RFTN1: variants seen among roughly 807,000 people sequenced by gnomAD.
RFTN1 encodes raftlin.
Under a neutral mutation model 46.5 loss-of-function variants are expected in RFTN1, and 26 were observed. The observed-to-expected ratio is 0.56, with a 90% confidence interval of 0.41 to 0.78. RFTN1 has a LOEUF of 0.78. Ranked by LOEUF, RFTN1 falls within the 30% of genes least tolerant of loss-of-function variation. RFTN1 has a pLI of 0.00. For missense variants in RFTN1, 693 were observed against 718.7 expected (o/e 0.96, Z 0.41); for synonymous variants, 261 against 284.2 (o/e 0.92, Z 0.82).
At chr3:16,363,255 T>C (rs1008485179) in intron 6 of RFTN1, among the ~76,000 whole-genome samples, 19 of 151,812 alleles carry the variant, frequency 1.3e-4, no homozygotes, top group African/African-American at 4.1e-4. Context: ...TCAGCCTCAC[T>C]ATAATGTGCA....
At chr3:16,390,861 T>A (rs1015360903) in intron 4 of RFTN1, among the ~76,000 whole-genome samples, 1 of 152,218 alleles carries the variant, frequency 6.6e-6, no homozygotes, top group African/African-American at 2.4e-5. Flanking sequence ...CGATGAATAG[T>A]TCATCAAAAA....
chr3:16,399,038 G>A (rs73041502), intron 4 of RFTN1, among the ~76,000 whole-genome samples: 5,703 of 152,116 alleles, frequency 0.037, 140 homozygotes, highest in Middle Eastern at 0.082. Context: ...CATTTTTTAG[G>A]GATCCCAAGT....
rs1162007415 is a variant in RFTN1, at chr3:16,498,579, G to C, written c.-8-4702C>G. Among the ~76,000 whole-genome samples the C allele has an allele frequency of 6.6e-6, 1 of 152,154 alleles. No homozygotes were observed. Among genetic ancestry groups the C allele is most frequent in the Non-Finnish European group, 1.5e-5 (1 of 68,024 alleles). On this transcript the variant is annotated intron_variant, in intron 1 of 9. Coordinates refer to ENST00000334133, the MANE Select transcript of RFTN1 (RefSeq NM_015150.2). The surrounding 1 kb of genome is among the most constrained non-coding windows in gnomAD (Gnocchi z 5.2). ...CAAATTTTAGAGACTGATTTCTCTG[G>C]AGTGCGTGCAACCCTGGCTAAGCAA...
rs2072135134 is a variant in RFTN1, at chr3:16,351,981, TTA to T, written c.1146+5949_1146+5950del. Reference sequence around the variant, plus strand: ...GTAGCCAGCACACTTTGGGTGTGGTTTATATGAGAAAGATGAGGCAGAACTCT... The same window carrying T: ...GTAGCCAGCACACTTTGGGTGTGGTTTATGAGAAAGATGAGGCAGAACTCT... On this transcript the variant is annotated intron_variant, in intron 7 of 9. Coordinates refer to ENST00000334133, the MANE Select transcript of RFTN1 (RefSeq NM_015150.2). The surrounding 1 kb of genome is among the most constrained non-coding windows in gnomAD (Gnocchi z 5.4). Among the ~76,000 whole-genome samples, 1 of 152,206 alleles carries T rather than the reference TTA, an allele frequency of 6.6e-6. No homozygotes were observed. Among genetic ancestry groups the T allele is most frequent in the Non-Finnish European group, 1.5e-5 (1 of 68,036 alleles).
rs2074961864 is a variant in RFTN1 at position 16,410,459 on chromosome 3, C to G, written c.333-976G>C. Among the ~76,000 whole-genome samples, 1 of 152,078 alleles carries G rather than the reference C, an allele frequency of 6.6e-6. No homozygotes were observed. Among genetic ancestry groups the G allele is most frequent in the East Asian group, 1.9e-4 (1 of 5,178 alleles). The stretch of plus-strand genomic sequence containing the variant: ...TCAAAAGTGAATTTAGCCATAATCC[C>G]TAATTGTTTTCATTTTTAAATGAAA... On this transcript the variant is annotated intron_variant, in intron 3 of 9. Coordinates refer to ENST00000334133, the MANE Select transcript of RFTN1 (RefSeq NM_015150.2). The surrounding 1 kb of genome is among the most constrained non-coding windows in gnomAD (Gnocchi z 4.6).
rs142203348 is a variant in RFTN1 at position 16,330,680 on chromosome 3, A to G, written c.1147-3804T>C. 5.3e-3 allele frequency among the ~76,000 whole-genome samples: 801 copies of G among 152,386 alleles called. 6 individuals carry two copies. Among genetic ancestry groups the G allele is most frequent in the Non-Finnish European group, 9.8e-3 (665 of 68,040 alleles). On this transcript the variant is annotated intron_variant, in intron 7 of 9. Transcript: ENST00000334133. ...CATGTCCTGTGGTTTTTCAACTCGT[A>G]TAAAAGGAATTCATTTGTATTTATG... is the stretch of plus-strand genomic sequence containing the variant.
In RFTN1 at chr3:16,512,436, T is replaced by G. The variant is rs2076918210; in HGVS notation, c.-9+1006A>C. On this transcript the variant is annotated intron_variant, in intron 1 of 9. Transcript: ENST00000334133. The surrounding 1 kb of genome is among the most constrained non-coding windows in gnomAD (Gnocchi z 4.3). ...CCAGACTTTTTTTTTAAAAAAGTAC[T>G]TCTTGTTTGTTTGTTTTAAGCCCCC... Among the ~76,000 whole-genome samples the G allele has an allele frequency of 8.3e-6, 1 of 120,014 alleles. No homozygotes were observed. The highest frequency in any genetic ancestry group is 1.8e-5 in the Non-Finnish European group (1 of 57,028). 78.7% of individuals were successfully genotyped at this position (120,014 alleles called of 152,430 possible). A position where few individuals can be genotyped will look rare whatever the true frequency, so the allele number is the denominator to read the frequency against.
chr3:16,397,994 C>G (rs1224334113), intron 4 of RFTN1, among the ~76,000 whole-genome samples: 2 of 152,084 alleles, frequency 1.3e-5, no homozygotes, highest in Non-Finnish European at 2.9e-5. Flanking sequence ...CGCCTATAAT[C>G]CCAGCACTTT....
intron 1 of RFTN1, 131 bp from the exon 2 acceptor site, chr3:16,494,008 G>T: frequency 2.0e-6 from 2 of 1,008,610 alleles, no homozygotes; most frequent in Non-Finnish European, 2.9e-6. Context: ...GAAACTGAGA[G>T]TATAATTTAA....
Position 16,481,638 on chromosome 3 carries a change from C to T in RFTN1, c.145+12087G>A, listed in dbSNP as rs929696648. ...GAAATTAAATAAATAGACACACACA[C>T]ACTCTCCATAAAAACTCTGCTACAC... On this transcript the variant is annotated intron_variant, in intron 2 of 9. Coordinates refer to ENST00000334133, the MANE Select transcript of RFTN1 (RefSeq NM_015150.2). The surrounding 1 kb of genome is among the most constrained non-coding windows in gnomAD (Gnocchi z 5.1). Among the ~76,000 whole-genome samples the T allele has an allele frequency of 1.3e-5, 2 of 152,194 alleles. No homozygotes were observed. Among genetic ancestry groups the T allele is most frequent in the African/African-American group, 4.8e-5 (2 of 41,450 alleles).
chr3:16,477,470 A>AT (rs1559366946), intron 2 of RFTN1, among the ~76,000 whole-genome samples: 1 of 152,236 alleles, frequency 6.6e-6, no homozygotes, highest in African/African-American at 2.4e-5. Context: ...TTTGATGCTT[A>AT]TTTTTAGAGA....
chr3:16,411,086 A>C (rs558082172), intron 3 of RFTN1, among the ~76,000 whole-genome samples: 1 of 152,280 alleles, frequency 6.6e-6, no homozygotes, highest in South Asian at 2.1e-4. Flanking sequence ...GCTAATCTGC[A>C]CTGGTGGAGG....
At chr3:16,390,502 C>T (rs1040720560) in intron 4 of RFTN1, among the ~76,000 whole-genome samples, 1 of 152,192 alleles carries the variant, frequency 6.6e-6, no homozygotes, top group Non-Finnish European at 1.5e-5. Flanking sequence ...GCCCCTGCAG[C>T]TTAGCTTACA....
At position 16,424,261 on chromosome 3, in the gene RFTN1, C is replaced by T. The variant is rs1186896684; in HGVS notation, c.332+9590G>A. ...TGAGTTCTATATTCACCACACACTC[C>T]CATTACCCACTCCAAACTTCGGACT... On this transcript the variant is annotated intron_variant, in intron 3 of 9. Coordinates refer to ENST00000334133, the MANE Select transcript of RFTN1 (RefSeq NM_015150.2). This position sits in a 1 kb window ranked among gnomAD's most constrained non-coding sequence, Gnocchi z 4.7. 1.3e-5 allele frequency among the ~76,000 whole-genome samples: 2 copies of T among 152,152 alleles called. No homozygotes were observed. Among genetic ancestry groups the T allele is most frequent in the Non-Finnish European group, 2.9e-5 (2 of 68,028 alleles).
chr3:16,424,928 C>T lies in RFTN1; in HGVS notation c.332+8923G>A, dbSNP rs1247923883. On this transcript the variant is annotated intron_variant, in intron 3 of 9. Transcript: ENST00000334133. This position sits in a 1 kb window ranked among gnomAD's most constrained non-coding sequence, Gnocchi z 4.7. Reference sequence around the variant, plus strand: ...GTAATGCCCATTATATCTTTTTCAGCTTGAAAAACACACAAAAAAAATCTA... The same window carrying T: ...GTAATGCCCATTATATCTTTTTCAGTTTGAAAAACACACAAAAAAAATCTA... Among the ~76,000 whole-genome samples the T allele has an allele frequency of 7.0e-6, 1 of 143,704 alleles. No individual in the cohort carries two copies. The highest frequency in any genetic ancestry group is 2.5e-5 in the African/African-American group (1 of 40,090). The allele number at this position is 143,704 out of a possible 152,430, so 94.3% of individuals were successfully genotyped here.
At chr3:16,408,145 C>T (rs2125445184) in intron 4 of RFTN1, among the ~76,000 whole-genome samples, 1 of 152,224 alleles carries the variant, frequency 6.6e-6, no homozygotes, top group South Asian at 2.1e-4. Context: ...TTTTGATTCC[C>T]CTCACTCCCT....
chr3:16,432,494 G>T (rs2075408646), intron 3 of RFTN1, among the ~76,000 whole-genome samples: 1 of 152,000 alleles, frequency 6.6e-6, no homozygotes, highest in Admixed American at 6.6e-5. Context: ...CTCCAGCCTG[G>T]GTGACAGAGT....
chr3:16,325,329 C>T (rs997667808), intron 8 of RFTN1, among the ~76,000 whole-genome samples: 4 of 152,172 alleles, frequency 2.6e-5, no homozygotes, highest in African/African-American at 9.7e-5. Context: ...TCCATTCCAC[C>T]GTAAGTGGTC....
At chr3:16,372,791 T>C (rs572247163) in intron 5 of RFTN1, among the ~76,000 whole-genome samples, 1 of 152,342 alleles carries the variant, frequency 6.6e-6, no homozygotes, top group East Asian at 1.9e-4. Flanking sequence ...CTTTCCCGGC[T>C]TGATCCTCCC....
Sources: allele counts gnomAD v4.1 joint callset (sites outside exome capture counted in the v4.1 genomes callset), GRCh38; gene constraint gnomAD v4.1.1; non-coding constraint Gnocchi (gnomAD v3.1); transcripts MANE v1.5; gene names NCBI Gene and HGNC (gene_info 2026-07-23, HGNC 2026-07-21).